Variants in FOXN3 observed in about 807,000 individuals in gnomAD.
FOXN3 encodes the protein forkhead box protein N3.
In FOXN3, 7 loss-of-function variants were observed where a neutral mutation model predicts 38.4. That is an observed-to-expected ratio of 0.18 (90% CI 0.10 to 0.34). The LOEUF (loss-of-function observed/expected upper bound fraction) is 0.34. Ranked by LOEUF, FOXN3 falls within the 10% of genes least tolerant of loss-of-function variation. The probability of loss-of-function intolerance (pLI) is 1.00; values close to 1 mark genes in which losing one functional copy is unlikely to be tolerated. For synonymous variants in FOXN3, 230 were observed against 242.2 expected (o/e 0.95, Z 0.47); for missense variants, 456 against 613.4 (o/e 0.74, Z 2.71).
At position 89,162,637 on chromosome 14, in the gene FOXN3, T is replaced by G; in HGVS notation, c.1184A>C (p.Gln395Pro). The change falls in exon 6 of 6, where the codon CAG becomes CCG. Residue 395 changes from glutamine to proline, a missense_variant. Around this residue, in one of 3 missense-constraint regions of FOXN3, gnomAD observed 386 missense variants for 505.2 expected, o/e 0.76. Coordinates refer to ENST00000557258, the MANE Select transcript of FOXN3 (RefSeq NM_005197.4). This position sits in a 1 kb window ranked among gnomAD's most constrained non-coding sequence, Gnocchi z 7.2. ...DSLGDSGYAS[Q>P]HKKRQHFAKA... ...GGCGAAGTGCTGGCGCTTCTTGTGC[T>G]GGGATGCGTACCCGCTGTCCCCCAG... 1 of 1,613,982 alleles carries G rather than the reference T, an allele frequency of 6.2e-7. No individual in the cohort carries two copies.
chr14:89,233,320 A>C (rs1027745211), intron 4 of FOXN3, among the ~76,000 whole-genome samples: 16 of 152,214 alleles, frequency 1.1e-4, no homozygotes, highest in African/African-American at 3.9e-4. Flanking sequence ...AAAGTCAGAA[A>C]AAGGCAAAAA....
chr14:89,512,914 G>A (rs1392970448), intron 1 of FOXN3, among the ~76,000 whole-genome samples: 4 of 152,130 alleles, frequency 2.6e-5, no homozygotes, highest in Non-Finnish European at 5.9e-5. Flanking sequence ...GCCGAGGTGG[G>A]TGGATCACGA....
intron 1 of FOXN3, among the ~76,000 whole-genome samples, chr14:89,506,996 C>T (rs552862319): frequency 1.7e-4 from 26 of 152,230 alleles, no homozygotes; most frequent in African/African-American, 5.5e-4. Context: ...TGCGCAAGGC[C>T]GCAGGGTCCT....
chr14:89,411,648 G>A (rs1332755979), intron 2 of FOXN3, among the ~76,000 whole-genome samples: 2 of 152,176 alleles, frequency 1.3e-5, no homozygotes, highest in East Asian at 3.8e-4. Context: ...CATCCACACT[G>A]AGGGATGTTA....
intron 1 of FOXN3, among the ~76,000 whole-genome samples, chr14:89,598,483 C>A (rs1304600772): frequency 6.6e-6 from 1 of 152,148 alleles, no homozygotes. Context: ...CAAGGTCTCA[C>A]TATGTTGTCC....
intron 3 of FOXN3, among the ~76,000 whole-genome samples, chr14:89,340,702 TA>T (rs1309667724): frequency 1.3e-5 from 2 of 151,890 alleles, no homozygotes; most frequent in Non-Finnish European, 2.9e-5. Flanking sequence ...GGATAAACAA[TA>T]GGGGGGAGGT....
chr14:89,446,177 CTTTTT>C (rs1179196246), intron 1 of FOXN3, among the ~76,000 whole-genome samples: 5 of 57,024 alleles, frequency 8.8e-5, no homozygotes, highest in African/African-American at 2.5e-4. Flanking sequence ...TCCTAAAAGT[CTTTTT>C]TTTTTTTTTT....
At chr14:89,280,597 G>T (rs1049086617) in intron 4 of FOXN3, among the ~76,000 whole-genome samples, 2 of 152,044 alleles carry the variant, frequency 1.3e-5, no homozygotes, top group Admixed American at 1.3e-4. Flanking sequence ...CATGTAAAGG[G>T]GTTTGCTTTT....
At position 89,461,038 on chromosome 14, in the gene FOXN3, A is replaced by G. The variant is rs373921745; in HGVS notation, c.-14-48548T>C. 9.9e-3 allele frequency among the ~76,000 whole-genome samples: 881 copies of G among 88,678 alleles called. 6 individuals are homozygous for G. The highest frequency in any genetic ancestry group is 0.032 in the African/African-American group (642 of 20,284). The allele number at this position is 88,678 out of a possible 152,430, so 58.2% of individuals were successfully genotyped here. ...AGCGAAACTCCATCTTAAAAAAAAA[A>G]GGGGGGGGGAGGGGGCTGGGCGCAG... On this transcript the variant is annotated intron_variant, in intron 1 of 6. Transcript: ENST00000345097.
intron 3 of FOXN3, among the ~76,000 whole-genome samples, chr14:89,340,731 CA>C (rs1266098686): frequency 6.6e-6 from 1 of 151,892 alleles, no homozygotes; most frequent in Non-Finnish European, 1.5e-5. Context: ...ATTTGATGGA[CA>C]GCTTTTGGAA....
chr14:89,387,125 G>A (rs913518747), intron 2 of FOXN3, among the ~76,000 whole-genome samples: 6 of 152,154 alleles, frequency 3.9e-5, no homozygotes, highest in Admixed American at 3.9e-4. Flanking sequence ...AGATGTGGTG[G>A]TGTACCTGTA....
intron 4 of FOXN3, among the ~76,000 whole-genome samples, chr14:89,240,244 A>G (rs1885100681): frequency 6.6e-6 from 1 of 151,866 alleles, no homozygotes; most frequent in Middle Eastern, 3.2e-3. Flanking sequence ...ATCTCTTTGG[A>G]AAATATGATG....
intron 3 of FOXN3, among the ~76,000 whole-genome samples, chr14:89,303,138 T>C (rs1422633773): frequency 6.6e-6 from 1 of 152,172 alleles, no homozygotes; most frequent in Non-Finnish European, 1.5e-5. Context: ...CCTTGTCTTT[T>C]AGTTTTTTTC....
At chr14:89,395,765 T>C (rs1367269894) in intron 2 of FOXN3, among the ~76,000 whole-genome samples, 1 of 152,166 alleles carries the variant, frequency 6.6e-6, no homozygotes, top group African/African-American at 2.4e-5. Flanking sequence ...ATTAATATTA[T>C]TATTTCTGGG....
chr14:89,426,682 A>G (rs1216661886), intron 1 of FOXN3, among the ~76,000 whole-genome samples: 1 of 152,174 alleles, frequency 6.6e-6, no homozygotes, highest in Non-Finnish European at 1.5e-5. Context: ...ATATTCACTC[A>G]TTTCAGCCTC....
intron 2 of FOXN3, among the ~76,000 whole-genome samples, chr14:89,374,047 C>T (rs1890398428): frequency 6.6e-6 from 1 of 151,904 alleles, no homozygotes; most frequent in Non-Finnish European, 1.5e-5. Context: ...AGGAGGATTG[C>T]TTGAACCCAG....
chr14:89,519,751 A>AC, intron 1 of FOXN3, among the ~76,000 whole-genome samples: 1 of 152,110 alleles, frequency 6.6e-6, no homozygotes. Flanking sequence ...GCAAAGGGAG[A>AC]CTCAAGAACC....
intron 1 of FOXN3, among the ~76,000 whole-genome samples, chr14:89,446,699 TGTCACTACACACTTTTCACACC>T (rs559091872): frequency 4.6e-4 from 70 of 152,376 alleles, no homozygotes; most frequent in Middle Eastern, 3.4e-3. Context: ...CTGCCTTGGT[TGTCACTACACACTTTTCACACC>T]TACCAGGTGC....
At chr14:89,473,014 C>T (rs1350630930) in intron 1 of FOXN3, among the ~76,000 whole-genome samples, 1 of 151,932 alleles carries the variant, frequency 6.6e-6, no homozygotes, top group African/African-American at 2.4e-5. Flanking sequence ...AGAAGGTGAT[C>T]ATTTTTATTT....
Sources: allele counts gnomAD v4.1 joint callset (sites outside exome capture counted in the v4.1 genomes callset), GRCh38; gene constraint gnomAD v4.1.1; regional missense constraint gnomAD v4.1.1; non-coding constraint Gnocchi (gnomAD v3.1); transcripts MANE v1.5; gene names NCBI Gene and HGNC (gene_info 2026-07-23, HGNC 2026-07-21).